HECTD4: variants seen among roughly 807,000 people sequenced by gnomAD.
HECTD4 encodes the protein probable E3 ubiquitin-protein ligase HECTD4.
A neutral mutation model predicts 471.5 loss-of-function variants in HECTD4; 114 were observed. That is an observed-to-expected ratio of 0.24 (90% confidence interval 0.21 to 0.28). HECTD4 has a LOEUF of 0.28. Ranked by LOEUF, HECTD4 falls within the 10% of genes least tolerant of loss-of-function variation. The probability of loss-of-function intolerance (pLI) is 1.00; values close to 1 mark genes in which losing one functional copy is unlikely to be tolerated. For synonymous variants in HECTD4, 2,012 were observed against 2,256.0 expected (o/e 0.89, Z 3.07); for missense variants, 3,866 against 5,651.5 (o/e 0.68, Z 10.13).
At chr12:112,222,582 A>G (rs1385598665) in intron 44 of HECTD4, among the ~76,000 whole-genome samples, 1 of 152,130 alleles carries the variant, frequency 6.6e-6, no homozygotes, top group African/African-American at 2.4e-5. Flanking sequence ...CAGGAGAATC[A>G]CCTGAACCTG....
intron 7 of HECTD4, among the ~76,000 whole-genome samples, chr12:112,287,820 C>T (rs1452861600): frequency 1.3e-5 from 2 of 152,002 alleles, no homozygotes; most frequent in Non-Finnish European, 2.9e-5. Context: ...TAGAAGTAGC[C>T]AAATCAGGCA....
intron 25 of HECTD4, 120 bp downstream of exon 25, chr12:112,250,024 T>G (rs2033845038): frequency 2.6e-6 from 2 of 760,170 alleles, no homozygotes; most frequent in Non-Finnish European, 4.4e-6. Context: ...ATTTTAACAT[T>G]CATGGAGTAA....
intron 49 of HECTD4, 43 bp from the exon 50 acceptor site, chr12:112,210,295 T>G (rs1408937409): frequency 6.3e-7 from 1 of 1,589,420 alleles, no homozygotes; most frequent in South Asian, 1.1e-5. Flanking sequence ...GACTTACGTT[T>G]ATTTTTATTT....
At chr12:112,237,504 A>C (rs1340663327) in intron 34 of HECTD4, among the ~76,000 whole-genome samples, 2 of 152,144 alleles carry the variant, frequency 1.3e-5, no homozygotes, top group Non-Finnish European at 2.9e-5. Flanking sequence ...AGTTATGAAA[A>C]AGTATTTGTT....
At chr12:112,274,677 A>G (rs1479012337) in intron 10 of HECTD4, among the ~76,000 whole-genome samples, 170 bp downstream of exon 10, 1 of 152,224 alleles carries the variant, frequency 6.6e-6, no homozygotes, top group African/African-American at 2.4e-5. Flanking sequence ...ACTTCACTCC[A>G]GCCTAGGTGA....
At position 112,163,320 on chromosome 12, in the gene HECTD4, TC is replaced by T; in HGVS notation, c.12898-57del. 1 of 1,487,930 alleles carries T rather than the reference TC, an allele frequency of 6.7e-7. No individual in the cohort carries two copies. Among genetic ancestry groups the T allele is most frequent in the Non-Finnish European group, 9.2e-7 (1 of 1,087,802 alleles). The allele number at this position is 1,487,930 out of a possible 1,614,324, so 92.2% of individuals were successfully genotyped here. ...CCTGGAGCCCCACCTACCCAGTGCCTCCCCAGCCCTGGGGTCTGCAGGCCAG... is the reference window on the plus strand; with the variant it reads ...CCTGGAGCCCCACCTACCCAGTGCCTCCCAGCCCTGGGGTCTGCAGGCCAG... On this transcript the variant is annotated intron_variant, in intron 74 of 75. Transcript: ENST00000682272. This position sits in a 1 kb window ranked among gnomAD's most constrained non-coding sequence, Gnocchi z 8.2.
intron 20 of HECTD4, chr12:112,256,790 CT>C (rs1370389097): frequency 1.8e-5 from 4 of 217,346 alleles, no homozygotes; most frequent in African/African-American, 7.0e-5. Flanking sequence ...ATTTTTCCCT[CT>C]TTTTTTCAAG....
At chr12:112,328,673 G>A (rs886573978) in intron 1 of HECTD4, among the ~76,000 whole-genome samples, 5 of 152,230 alleles carry the variant, frequency 3.3e-5, no homozygotes, top group South Asian at 2.1e-4. Flanking sequence ...CCAAATCCAG[G>A]GTGGATCACT....
chr12:112,180,519 A>G (rs2031627286), intron 62 of HECTD4, among the ~76,000 whole-genome samples: 1 of 151,138 alleles, frequency 6.6e-6, no homozygotes, highest in African/African-American at 2.4e-5. Flanking sequence ...TGGGTGACAG[A>G]GTGAGACTGT....
Position 112,171,098 on chromosome 12 carries a change from G to C in HECTD4, c.11932+19C>G, listed in dbSNP as rs768956863. ...CACCTCTCTCTTCCTGCAGGGCCAG[G>C]GCAGGTGCAGGCACTGACCTTTGGC... On this transcript the variant is annotated intron_variant, in intron 68 of 75. Coordinates refer to ENST00000682272, the MANE Select transcript of HECTD4 (RefSeq NM_001388303.1). 5.0e-6 allele frequency: 8 copies of C among 1,599,984 alleles called. No homozygotes were observed. Among genetic ancestry groups the C allele is most frequent in the Non-Finnish European group, 6.8e-6 (8 of 1,169,688 alleles).
At chr12:112,297,842 T>C (rs2035074081) in intron 7 of HECTD4, among the ~76,000 whole-genome samples, 1 of 152,078 alleles carries the variant, frequency 6.6e-6, no homozygotes, top group Non-Finnish European at 1.5e-5. Context: ...ATACAGGTGT[T>C]TGAGGCCACA....
chr12:112,172,476 G>A (rs1019766549), intron 67 of HECTD4, among the ~76,000 whole-genome samples, 195 bp downstream of exon 67: 4 of 152,352 alleles, frequency 2.6e-5, no homozygotes, highest in African/African-American at 7.2e-5. Flanking sequence ...GACTAATTAG[G>A]CCACAGTCCT....
At chr12:112,197,061 G>A (rs886606606) in intron 55 of HECTD4, among the ~76,000 whole-genome samples, 2 of 152,120 alleles carry the variant, frequency 1.3e-5, no homozygotes, top group African/African-American at 4.8e-5. Flanking sequence ...CTCCCAAAGT[G>A]CTGGGATTAT....
rs780643618 is a variant in HECTD4 at position 112,203,636 on chromosome 12, T to C, written c.8406A>G (p.Ser2802=). The C allele has an allele frequency of 1.2e-6, 2 of 1,612,554 alleles. No homozygotes were observed. Among genetic ancestry groups the C allele is most frequent in the African/African-American group, 1.3e-5 (1 of 75,010 alleles). The change falls in exon 54 of 76, where the codon TCA becomes TCG. Residue 2802 remains serine (S), a splice_region_variant and synonymous_variant. Coordinates refer to ENST00000682272, the MANE Select transcript of HECTD4 (RefSeq NM_001388303.1). ...TTAATCAGAATGGCTGTTCACTCACTGAATCAACATCTAAGACGACTCCAT... is the reference window on the plus strand; with the variant it reads ...TTAATCAGAATGGCTGTTCACTCACCGAATCAACATCTAAGACGACTCCAT... ...GLHGVVLDVD[S]VNELVQVETY... is the part of the protein sequence containing the mutation.
chr12:112,163,808 C>CA lies in HECTD4; in HGVS notation c.12702-72dup. The CA allele has an allele frequency of 7.7e-7, 1 of 1,303,552 alleles. No individual in the cohort carries two copies. Among genetic ancestry groups the CA allele is most frequent in the Non-Finnish European group, 1.0e-6 (1 of 989,860 alleles). The allele number at this position is 1,303,552 out of a possible 1,614,324, so 80.7% of individuals were successfully genotyped here. On this transcript the variant is annotated intron_variant, in intron 73 of 75. Transcript: ENST00000682272. The surrounding 1 kb of genome is among the most constrained non-coding windows in gnomAD (Gnocchi z 8.2). ...GCTGGGTCTGGGGGCCACACCCACTCAGCTGGAGGTCCCGGATCCTCTCTT... is the reference window on the plus strand; with the variant it reads ...GCTGGGTCTGGGGGCCACACCCACTCAAGCTGGAGGTCCCGGATCCTCTCTT...
At chr12:112,232,463 G>A (rs778916894) in intron 38 of HECTD4, among the ~76,000 whole-genome samples, 21 of 152,230 alleles carry the variant, frequency 1.4e-4, no homozygotes, top group Non-Finnish European at 3.1e-4. Context: ...AAACTGTGAA[G>A]AACACCCTGT....
chr12:112,241,961 G>A (rs2033650293), intron 32 of HECTD4, among the ~76,000 whole-genome samples: 1 of 152,170 alleles, frequency 6.6e-6, no homozygotes. Context: ...TCAAAGAACT[G>A]TCAGGAAGCA....
At chr12:112,232,715 C>G (rs1448274458) in intron 38 of HECTD4, among the ~76,000 whole-genome samples, 1 of 152,152 alleles carries the variant, frequency 6.6e-6, no homozygotes, top group Non-Finnish European at 1.5e-5. Flanking sequence ...TCACCTATCT[C>G]AAACTATTTT....
At chr12:112,348,563 G>A (rs2036196482) in intron 1 of HECTD4, among the ~76,000 whole-genome samples, 1 of 152,050 alleles carries the variant, frequency 6.6e-6, no homozygotes, top group Admixed American at 6.6e-5. Flanking sequence ...TTTGAGACCA[G>A]CCTAGCAACA....
Sources: allele counts gnomAD v4.1 joint callset (sites outside exome capture counted in the v4.1 genomes callset), GRCh38; gene constraint gnomAD v4.1.1; non-coding constraint Gnocchi (gnomAD v3.1); transcripts MANE v1.5; gene names NCBI Gene and HGNC (gene_info 2026-07-23, HGNC 2026-07-21).